Variants in FOXN2 observed in about 807,000 individuals in gnomAD.
FOXN2 encodes forkhead box N2, also known as forkhead box protein N2.
FOXN2 carries 19 observed loss-of-function variants against 41.2 expected under a neutral mutation model. The ratio of observed to expected loss-of-function variants is 0.46; its 90% CI spans 0.32 to 0.68. The LOEUF is 0.68. FOXN2 is among the 30% of genes least tolerant of loss of function. The probability of loss-of-function intolerance (pLI) is 0.03; values close to 1 mark genes in which losing one functional copy is unlikely to be tolerated. For synonymous variants in FOXN2, 195 were observed against 176.8 expected, an observed-to-expected ratio of 1.10 and a Z score of -0.82; for missense variants, 587 against 509.4, an observed-to-expected ratio of 1.15 and a Z score of -1.47.
rs1170151954 is a variant in FOXN2, at chr2:48,375,950, T to C, written c.*507T>C. ...CTTAATTTGTTTCTAATTTTTTTTT[T>C]GTTGTCGTGTGAGCAAAGACAAACA... On this transcript the variant is annotated 3_prime_UTR_variant, in exon 7 of 7. Coordinates refer to ENST00000340553, the MANE Select transcript of FOXN2 (RefSeq NM_002158.4). 1 of 152,628 alleles carries C rather than the reference T, an allele frequency of 6.6e-6. No homozygotes were observed. The highest frequency in any genetic ancestry group is 1.5e-5 in the Non-Finnish European group (1 of 68,370). 9.5% of individuals were successfully genotyped at this position (152,628 alleles called of 1,614,324 possible).
chr2:48,342,615 A>G (rs1459100538), intron 2 of FOXN2, among the ~76,000 whole-genome samples: 1 of 152,030 alleles, frequency 6.6e-6, no homozygotes, highest in Non-Finnish European at 1.5e-5. Flanking sequence ...ATTTGTATTT[A>G]ATATGTGAGA....
intron 1 of FOXN2, among the ~76,000 whole-genome samples, chr2:48,315,864 T>G (rs571543215): frequency 1.3e-5 from 2 of 152,364 alleles, no homozygotes; most frequent in Admixed American, 6.5e-5. Context: ...TCTCTGAACT[T>G]CATTTTCTCC....
At chr2:48,343,617 C>T (rs1350853390) in intron 2 of FOXN2, among the ~76,000 whole-genome samples, 1 of 151,998 alleles carries the variant, frequency 6.6e-6, no homozygotes, top group Non-Finnish European at 1.5e-5. Flanking sequence ...TAAAAATTAG[C>T]TGGGCATGGT....
Position 48,322,479 on chromosome 2 carries a change from A to C in FOXN2, c.-156-6082A>C, listed in dbSNP as rs565150823. 3.9e-5 allele frequency among the ~76,000 whole-genome samples: 6 copies of C among 152,290 alleles called. No homozygotes were observed. The South Asian group carries it at 1.2e-3, about 32-fold the overall frequency. ...TCAAGTATGTGTCCCTAGATGCTATAGTTAAGCCTGTTTTCTTGCTCATGC... is the reference window on the plus strand; with the variant it reads ...TCAAGTATGTGTCCCTAGATGCTATCGTTAAGCCTGTTTTCTTGCTCATGC... On this transcript the variant is annotated intron_variant, in intron 1 of 6. Coordinates refer to ENST00000340553, the MANE Select transcript of FOXN2 (RefSeq NM_002158.4).
chr2:48,334,071 A>G (rs1670186575), intron 2 of FOXN2, among the ~76,000 whole-genome samples: 2 of 151,948 alleles, frequency 1.3e-5, no homozygotes, highest in Non-Finnish European at 2.9e-5. Flanking sequence ...ACTTAAATAT[A>G]GCAATTTGAG....
chr2:48,344,840 ACCC>A (rs35784840), intron 2 of FOXN2, among the ~76,000 whole-genome samples: 14,961 of 129,224 alleles, frequency 0.12, 1,110 homozygotes, highest in Middle Eastern at 0.2. Flanking sequence ...CTCTGGAGGT[ACCC>A]CCCCCCCCCA....
At chr2:48,325,913 A>AT (rs1242721676) in intron 1 of FOXN2, among the ~76,000 whole-genome samples, 3 of 136,464 alleles carry the variant, frequency 2.2e-5, no homozygotes, top group Non-Finnish European at 1.5e-5. Flanking sequence ...CAGTGGTGCG[A>AT]TTTTGGCTCA....
intron 1 of FOXN2, among the ~76,000 whole-genome samples, chr2:48,324,915 G>A (rs1302535390): frequency 3.3e-5 from 5 of 152,176 alleles, no homozygotes; most frequent in East Asian, 1.9e-4. Flanking sequence ...AGGAGTTGTC[G>A]TTAAATTAGG....
chr2:48,361,897 T>G (rs939638841), intron 4 of FOXN2, among the ~76,000 whole-genome samples: 1 of 152,336 alleles, frequency 6.6e-6, no homozygotes, highest in South Asian at 2.1e-4. Context: ...TAACCATGAA[T>G]TTTGGTAAAT....
At chr2:48,363,930 A>G (rs1374059866) in intron 5 of FOXN2, among the ~76,000 whole-genome samples, 1 of 152,088 alleles carries the variant, frequency 6.6e-6, no homozygotes, top group Admixed American at 6.6e-5. Flanking sequence ...ATTTTTATTT[A>G]TTTGTTTTAT....
rs376852356 is a variant in FOXN2, at chr2:48,326,080, C to G, written c.-156-2481C>G. 1.7e-3 allele frequency among the ~76,000 whole-genome samples: 252 copies of G among 152,130 alleles called. 1 individual carries two copies. Among genetic ancestry groups the G allele is most frequent in the African/African-American group, 5.9e-3 (243 of 41,500 alleles). On this transcript the variant is annotated intron_variant, in intron 1 of 6. Coordinates refer to ENST00000340553, the MANE Select transcript of FOXN2 (RefSeq NM_002158.4). ...GGCCAGGCCAGTCTCAAACTTCTGGCCTCAAATGATCTGCCTGCCTTGGCC... is the reference window on the plus strand; with the variant it reads ...GGCCAGGCCAGTCTCAAACTTCTGGGCTCAAATGATCTGCCTGCCTTGGCC...
At chr2:48,315,582 T>A (rs1668855522) in intron 1 of FOXN2, among the ~76,000 whole-genome samples, 1 of 152,164 alleles carries the variant, frequency 6.6e-6, no homozygotes, top group Non-Finnish European at 1.5e-5. Context: ...AGGTGAGAGG[T>A]CTGCGGTGGA....
In FOXN2 at chr2:48,376,917, C is replaced by T. The variant is rs1673291227; in HGVS notation, c.*1474C>T. The T allele has an allele frequency of 6.6e-6, 1 of 152,384 alleles. No homozygotes were observed. Among genetic ancestry groups the T allele is most frequent in the Non-Finnish European group, 1.5e-5 (1 of 67,894 alleles). The allele number at this position is 152,384 out of a possible 1,614,324, so 9.4% of individuals were successfully genotyped here. A position where few individuals can be genotyped will look rare whatever the true frequency, so the allele number is the denominator to read the frequency against. ...ATATACACATATGCACAGTCAAGGT[C>T]ATGATGTTGATTTGCTTTCAGCTGT... On this transcript the variant is annotated 3_prime_UTR_variant, in exon 7 of 7. Coordinates refer to ENST00000340553, the MANE Select transcript of FOXN2 (RefSeq NM_002158.4).
intron 2 of FOXN2, among the ~76,000 whole-genome samples, chr2:48,341,144 A>G (rs1047406222): frequency 6.6e-6 from 1 of 152,122 alleles, no homozygotes; most frequent in Non-Finnish European, 1.5e-5. Context: ...TTCTTAAAGG[A>G]GTAATAAAAA....
intron 3 of FOXN2, among the ~76,000 whole-genome samples, chr2:48,357,431 C>G (rs187531367): frequency 6.6e-6 from 1 of 151,672 alleles, no homozygotes; most frequent in Non-Finnish European, 1.5e-5. Context: ...AGTAATGCTG[C>G]GTATCTTTTC....
chr2:48,360,425 A>G (rs926796471), intron 4 of FOXN2, among the ~76,000 whole-genome samples: 1 of 152,206 alleles, frequency 6.6e-6, no homozygotes, highest in Non-Finnish European at 1.5e-5. Context: ...TCAACGTTTC[A>G]TATAGTGGTT....
At chr2:48,326,295 G>A (rs545045985) in intron 1 of FOXN2, among the ~76,000 whole-genome samples, 203 of 152,280 alleles carry the variant, frequency 1.3e-3, no homozygotes, top group African/African-American at 1.8e-3. Flanking sequence ...TCAGATATCC[G>A]AAATGGAGAG....
intron 1 of FOXN2, among the ~76,000 whole-genome samples, chr2:48,325,866 T>TTTTTG (rs1669633379): frequency 6.8e-6 from 1 of 148,106 alleles, no homozygotes; most frequent in African/African-American, 2.5e-5. Context: ...TTTTTTTTTT[T>TTTTTG]GAGACGAAGT....
intron 6 of FOXN2, among the ~76,000 whole-genome samples, chr2:48,373,982 G>T (rs1673071720): frequency 6.6e-6 from 1 of 151,800 alleles, no homozygotes; most frequent in Non-Finnish European, 1.5e-5. Context: ...TTGAACCTGG[G>T]AGGTGGGGGT....
Sources: allele counts gnomAD v4.1 joint callset (sites outside exome capture counted in the v4.1 genomes callset), GRCh38; gene constraint gnomAD v4.1.1; transcripts MANE v1.5; gene names NCBI Gene and HGNC (gene_info 2026-07-23, HGNC 2026-07-21).